GREB1L: variants seen among roughly 807,000 people sequenced by gnomAD.
The protein encoded by GREB1L is GREB1 like retinoic acid receptor coactivator.
In GREB1L, 17 loss-of-function variants were observed where a neutral mutation model predicts 200.8. The observed-to-expected ratio is 0.08, with a 90% CI of 0.06 to 0.13. The LOEUF is 0.13. Ranked by LOEUF, GREB1L falls within the 10% of genes least tolerant of loss-of-function variation. The pLI is 1.00. For missense variants in GREB1L, 1,657 were observed against 2,367.7 expected (o/e 0.70, Z 6.23); for synonymous variants, 789 against 893.0 (o/e 0.88, Z 2.08).
chr18:21,361,670 T>C (rs1215984472), intron 1 of GREB1L, among the ~76,000 whole-genome samples: 2 of 152,062 alleles, frequency 1.3e-5, no homozygotes, highest in Non-Finnish European at 2.9e-5. Context: ...TTGATGGATT[T>C]TTTTTTCCTG....
At chr18:21,291,177 GCTATACTGAGGAC>G (rs2038444153) in intron 1 of GREB1L, among the ~76,000 whole-genome samples, 1 of 152,080 alleles carries the variant, frequency 6.6e-6, no homozygotes. Flanking sequence ...CAGTACCCTA[GCTATACTGAGGAC>G]CTGACCCATT....
At chr18:21,251,449 A>G (rs1351234220) in intron 1 of GREB1L, among the ~76,000 whole-genome samples, 3 of 152,232 alleles carry the variant, frequency 2.0e-5, no homozygotes, top group African/African-American at 4.8e-5. Flanking sequence ...AAAATAATCT[A>G]TAGCATCTGT....
In GREB1L at chr18:21,291,439, G is replaced by A. The variant is rs8082853; in HGVS notation, c.-120+49046G>A. Among the ~76,000 whole-genome samples, 570 of 152,246 alleles carry A rather than the reference G, an allele frequency of 3.7e-3. 2 individuals carry two copies. The highest frequency in any genetic ancestry group is 0.013 in the African/African-American group (549 of 41,532). The stretch of plus-strand genomic sequence containing the variant: ...TGGGGCATTTCCATGTTGAGCTCAC[G>A]TGTCTGCTTCACCACTGTAGAGTAA... On this transcript the variant is annotated intron_variant, in intron 1 of 32. Coordinates refer to ENST00000424526, the MANE Select transcript of GREB1L (RefSeq NM_001142966.3).
rs73425719 is a variant in GREB1L at position 21,421,993 on chromosome 18, A to T, written c.833-17528A>T. ...GGGAATGCCCTCAAGGAGCTGTATG[A>T]CCTAGTGGGAGAAACAAGAAGTTAC... On this transcript the variant is annotated intron_variant, in intron 7 of 32. Transcript: ENST00000424526. 7.9e-3 allele frequency among the ~76,000 whole-genome samples: 1,197 copies of T among 152,316 alleles called. 20 individuals are homozygous for T. Among genetic ancestry groups the T allele is most frequent in the African/African-American group, 0.028 (1,153 of 41,566 alleles).
intron 11 of GREB1L, among the ~76,000 whole-genome samples, chr18:21,444,926 T>G (rs531454794): frequency 1.3e-5 from 2 of 152,306 alleles, no homozygotes; most frequent in African/African-American, 4.8e-5. Flanking sequence ...TTTCCATCAT[T>G]GAGGTCATAA....
intron 3 of GREB1L, 78 bp from the exon 4 acceptor site, chr18:21,384,128 A>G: frequency 9.9e-7 from 1 of 1,014,956 alleles, no homozygotes; most frequent in Non-Finnish European, 1.5e-6. Flanking sequence ...TTTTTTCTTC[A>G]ATTATGTCTT....
chr18:21,259,657 A>G (rs1275948166), intron 1 of GREB1L, among the ~76,000 whole-genome samples: 2 of 152,120 alleles, frequency 1.3e-5, no homozygotes, highest in African/African-American at 4.8e-5. Context: ...AAAGAATTCA[A>G]TTGAACTTAT....
chr18:21,496,818 T>C (rs1190689533), intron 21 of GREB1L, 120 bp downstream of exon 21: 4 of 1,127,494 alleles, frequency 3.5e-6, no homozygotes, highest in Non-Finnish European at 5.0e-6. Context: ...CTTCAGGGAC[T>C]GGCATCCTCT....
At chr18:21,353,113 C>T (rs1214505052) in intron 1 of GREB1L, among the ~76,000 whole-genome samples, 2 of 150,436 alleles carry the variant, frequency 1.3e-5, no homozygotes, top group African/African-American at 4.9e-5. Flanking sequence ...ACCTGGGAAG[C>T]GGAACTTGCA....
chr18:21,357,530 G>A (rs181031062), intron 1 of GREB1L, among the ~76,000 whole-genome samples: 50 of 152,256 alleles, frequency 3.3e-4, no homozygotes, highest in Non-Finnish European at 1.8e-4. Flanking sequence ...CTGTGCTTTT[G>A]GAGTCATAGT....
At chr18:21,280,417 A>G (rs1296419432) in intron 1 of GREB1L, among the ~76,000 whole-genome samples, 2 of 148,352 alleles carry the variant, frequency 1.3e-5, no homozygotes, top group Non-Finnish European at 3.0e-5. Context: ...ACTGAATAAT[A>G]TTCCATGGTG....
chr18:21,423,049 G>A (rs929161264), intron 7 of GREB1L, among the ~76,000 whole-genome samples: 2 of 152,122 alleles, frequency 1.3e-5, no homozygotes, highest in African/African-American at 4.8e-5. Context: ...TCCTGCCTCA[G>A]CATCCCAAGT....
chr18:21,337,416 A>T (rs1242133812), intron 1 of GREB1L, among the ~76,000 whole-genome samples: 1 of 152,190 alleles, frequency 6.6e-6, no homozygotes, highest in African/African-American at 2.4e-5. Context: ...GGTAAAGGTC[A>T]AATGCTACAG....
At chr18:21,472,217 TAAAAG>T (rs2035510896) in intron 15 of GREB1L, among the ~76,000 whole-genome samples, 1 of 152,216 alleles carries the variant, frequency 6.6e-6, no homozygotes, top group African/African-American at 2.4e-5. Context: ...GCATTTATAT[TAAAAG>T]AAAAGACAGA....
In GREB1L at chr18:21,335,199, G is replaced by A. The variant is rs771331794; in HGVS notation, c.-119-30828G>A. Among the ~76,000 whole-genome samples, 6 of 152,122 alleles carry A rather than the reference G, an allele frequency of 3.9e-5. No individual in the cohort carries two copies. The South Asian group carries it at 6.2e-4, about 16-fold the overall frequency. Reference sequence around the variant, plus strand: ...AGGTTATTATGGGAAAAGAGGAGACGGTAAACGTTTTTTAAATGACTGTAT... The same window carrying A: ...AGGTTATTATGGGAAAAGAGGAGACAGTAAACGTTTTTTAAATGACTGTAT... On this transcript the variant is annotated intron_variant, in intron 1 of 32. Transcript: ENST00000424526.
intron 1 of GREB1L, among the ~76,000 whole-genome samples, chr18:21,254,658 C>G (rs2037772947): frequency 6.6e-6 from 1 of 152,130 alleles, no homozygotes; most frequent in African/African-American, 2.4e-5. Context: ...AAGGGCACTG[C>G]AATTCTTGGG....
rs143920045 is a variant in GREB1L, at chr18:21,344,866, C to A, written c.-119-21161C>A. 9.5e-3 allele frequency among the ~76,000 whole-genome samples: 1,454 copies of A among 152,308 alleles called. 9 individuals are homozygous for A. Among genetic ancestry groups the A allele is most frequent in the Admixed American group, 0.018 (275 of 15,300 alleles). On this transcript the variant is annotated intron_variant, in intron 1 of 32. Coordinates refer to ENST00000424526, the MANE Select transcript of GREB1L (RefSeq NM_001142966.3). ...GTTGGTGATCGCTACTGGAGAAAAT[C>A]TCTCATCATTGCAGACTGAGATCAC...
intron 7 of GREB1L, among the ~76,000 whole-genome samples, chr18:21,418,325 C>T (rs533132010): frequency 1.5e-3 from 230 of 152,182 alleles, no homozygotes; most frequent in African/African-American, 5.4e-3. Flanking sequence ...AGCTCAATTC[C>T]CTTATATAAA....
chr18:21,443,927 G>A (rs888133949), intron 10 of GREB1L, among the ~76,000 whole-genome samples: 1 of 152,196 alleles, frequency 6.6e-6, no homozygotes, highest in African/African-American at 2.4e-5. Context: ...TCACTTCTTG[G>A]AACTTTGTGG....
Sources: allele counts gnomAD v4.1 joint callset (sites outside exome capture counted in the v4.1 genomes callset), GRCh38; gene constraint gnomAD v4.1.1; transcripts MANE v1.5; gene names NCBI Gene and HGNC (gene_info 2026-07-23, HGNC 2026-07-21).